Variants in CTNND2 observed in about 807,000 individuals in gnomAD.
CTNND2 encodes the protein catenin delta 2, also known as catenin delta-2.
Under a neutral mutation model 144.4 loss-of-function variants are expected in CTNND2, and 22 were observed. The observed-to-expected ratio is 0.15, with a 90% CI of 0.11 to 0.22. CTNND2 has a LOEUF of 0.22. CTNND2 is among the 10% of genes least tolerant of loss of function. The pLI is 1.00. For missense variants in CTNND2, 1,353 were observed against 1,618.8 expected (o/e 0.84, Z 2.82); for synonymous variants, 751 against 695.6 (o/e 1.08, Z -1.25).
intron 1 of CTNND2, among the ~76,000 whole-genome samples, chr5:11,784,132 C>T (rs1490976327): frequency 6.6e-6 from 1 of 152,160 alleles, no homozygotes; most frequent in African/African-American, 2.4e-5. Context: ...CAAATACAAA[C>T]TGGATACTGT....
chr5:11,488,579 C>A (rs1162059086), intron 3 of CTNND2, among the ~76,000 whole-genome samples: 2 of 152,100 alleles, frequency 1.3e-5, no homozygotes, highest in African/African-American at 4.8e-5. Context: ...AAATTACCAA[C>A]CGAATTGGTA....
At chr5:11,330,287 T>C (rs4422506) in intron 9 of CTNND2, among the ~76,000 whole-genome samples, 15,354 of 136,026 alleles carry the variant, frequency 0.11, 1,716 homozygotes, top group African/African-American at 0.3. Flanking sequence ...CTGGCTAACA[T>C]GGTGAAACCC....
chr5:11,471,012 C>T (rs1243232624), intron 3 of CTNND2, among the ~76,000 whole-genome samples: 1 of 111,752 alleles, frequency 8.9e-6, no homozygotes, highest in Admixed American at 9.8e-5. Flanking sequence ...GAGTCTCTCT[C>T]TGTCGCTGAG....
chr5:11,880,590 CCTA>C lies in CTNND2; in HGVS notation c.37+23224_37+23226del, dbSNP rs1261932778. Among the ~76,000 whole-genome samples the C allele has an allele frequency of 1.3e-4, 16 of 120,730 alleles. 1 individual carries two copies. Among genetic ancestry groups the C allele is most frequent in the South Asian group, 1.3e-3 (5 of 3,810 alleles). 79.2% of individuals were successfully genotyped at this position (120,730 alleles called of 152,430 possible). On this transcript the variant is annotated intron_variant, in intron 1 of 21. Transcript: ENST00000304623. ...TAGTACTACTACTACTACCACTACTCCTACTATCAGCACTACTACTACCACTAC... is the reference window on the plus strand; with the variant it reads ...TAGTACTACTACTACTACCACTACTCCTATCAGCACTACTACTACCACTAC...
intron 9 of CTNND2, among the ~76,000 whole-genome samples, chr5:11,308,457 AC>A (rs1411631275): frequency 2.0e-5 from 3 of 150,882 alleles, no homozygotes; most frequent in East Asian, 1.9e-4. Context: ...TACAAAAAAA[AC>A]AACAACAACC....
At chr5:11,504,964 T>G (rs965887824) in intron 3 of CTNND2, among the ~76,000 whole-genome samples, 2 of 152,144 alleles carry the variant, frequency 1.3e-5, no homozygotes, top group East Asian at 1.9e-4. Context: ...GGCCTCCTTT[T>G]GTCCTGGAGT....
chr5:11,219,163 C>T (rs1739523787), intron 10 of CTNND2, among the ~76,000 whole-genome samples: 1 of 152,186 alleles, frequency 6.6e-6, no homozygotes, highest in Non-Finnish European at 1.5e-5. Context: ...CCAGATCTCT[C>T]GCTAGAAGTG....
In CTNND2 at chr5:11,017,963, G is replaced by A; in HGVS notation, c.3084+11C>T. The A allele has an allele frequency of 6.2e-7, 1 of 1,611,146 alleles. No homozygotes were observed. Among genetic ancestry groups the A allele is most frequent in the Non-Finnish European group, 8.5e-7 (1 of 1,177,598 alleles). ...TGTTTGGACTCAGGGCCCAGGTGAA[G>A]CCAGCCTTACCTTTTTGTAGAGACT... is the stretch of plus-strand genomic sequence containing the variant. On this transcript the variant is annotated intron_variant, in intron 18 of 21. Coordinates refer to ENST00000304623, the MANE Select transcript of CTNND2 (RefSeq NM_001332.4).
At chr5:11,004,984 T>C (rs1740333460) in intron 18 of CTNND2, among the ~76,000 whole-genome samples, 1 of 152,050 alleles carries the variant, frequency 6.6e-6, no homozygotes, top group Admixed American at 6.5e-5. Context: ...GAAACAGGTG[T>C]TCAGACATGA....
chr5:11,482,495 T>C (rs1040947880), intron 3 of CTNND2, among the ~76,000 whole-genome samples: 5 of 151,972 alleles, frequency 3.3e-5, no homozygotes, highest in African/African-American at 1.2e-4. Context: ...AATGAAGTAG[T>C]GAATAAAAAC....
chr5:11,298,326 A>C (rs752417529), intron 9 of CTNND2, among the ~76,000 whole-genome samples: 1 of 152,014 alleles, frequency 6.6e-6, no homozygotes, highest in Non-Finnish European at 1.5e-5. Flanking sequence ...ATGCACCACC[A>C]TGCTGGGCCA....
intron 2 of CTNND2, among the ~76,000 whole-genome samples, chr5:11,622,783 G>A (rs1008987032): frequency 1.3e-5 from 2 of 152,104 alleles, no homozygotes; most frequent in Non-Finnish European, 2.9e-5. Flanking sequence ...ATGGAGTTGA[G>A]ACAATTATAT....
intron 5 of CTNND2, among the ~76,000 whole-genome samples, chr5:11,406,042 G>A (rs537450257): frequency 6.6e-6 from 1 of 152,254 alleles, no homozygotes; most frequent in South Asian, 2.1e-4. Flanking sequence ...AGCTACTTGG[G>A]AGGCTGAGGC....
At chr5:11,536,323 C>G (rs1052151586) in intron 3 of CTNND2, among the ~76,000 whole-genome samples, 8 of 152,144 alleles carry the variant, frequency 5.3e-5, no homozygotes, top group Non-Finnish European at 7.3e-5. Flanking sequence ...CTAGGCCTCC[C>G]AAATTGCTGG....
intron 3 of CTNND2, among the ~76,000 whole-genome samples, chr5:11,522,635 G>T (rs1175107443): frequency 6.6e-6 from 1 of 152,174 alleles, no homozygotes; most frequent in African/African-American, 2.4e-5. Flanking sequence ...TGTGTAAATT[G>T]AAATTGCACA....
chr5:11,248,239 T>C (rs944276455), intron 9 of CTNND2, among the ~76,000 whole-genome samples: 4 of 152,152 alleles, frequency 2.6e-5, no homozygotes, highest in Admixed American at 6.5e-5. Context: ...TTTTACTTTG[T>C]TGATATCAGG....
intron 1 of CTNND2, among the ~76,000 whole-genome samples, chr5:11,867,075 A>C (rs58830847): frequency 0.23 from 34,721 of 151,970 alleles, 4,212 homozygotes; most frequent in Non-Finnish European, 0.28. Flanking sequence ...ATCCAAGCTC[A>C]CATTTTAACG....
intron 3 of CTNND2, among the ~76,000 whole-genome samples, chr5:11,425,524 A>G (rs1762708344): frequency 6.6e-6 from 1 of 152,220 alleles, no homozygotes; most frequent in Non-Finnish European, 1.5e-5. Flanking sequence ...TCCTTTCAAG[A>G]AAGAATGAGG....
intron 1 of CTNND2, among the ~76,000 whole-genome samples, chr5:11,887,160 T>C (rs762693177): frequency 6.6e-6 from 1 of 151,974 alleles, no homozygotes; most frequent in African/African-American, 2.4e-5. Flanking sequence ...ATTTTTTGTA[T>C]TTTTAGAAGA....
Sources: gnomAD v4.1 joint callset for allele counts (sites outside exome capture counted in the v4.1 genomes callset) on GRCh38, gnomAD v4.1.1 for gene constraint, MANE v1.5 for transcripts, NCBI Gene and HGNC (gene_info 2026-07-23, HGNC 2026-07-21) for gene names.